FGD4: variants seen among roughly 807,000 people sequenced by gnomAD.
FGD4 encodes FYVE, RhoGEF and PH domain containing 4, also known as FYVE, RhoGEF and PH domain-containing protein 4.
A neutral mutation model predicts 102.0 loss-of-function variants in FGD4; 42 were observed. The observed-to-expected ratio is 0.41, with a 90% CI of 0.32 to 0.53. The LOEUF (loss-of-function observed/expected upper bound fraction) is 0.53. FGD4 is among the 20% of genes least tolerant of loss of function. The pLI, the probability that FGD4 is intolerant of heterozygous loss-of-function variation, is 0.21. For missense variants in FGD4, 902 were observed against 1,078.2 expected, an observed-to-expected ratio of 0.84 and a Z score of 2.29; for synonymous variants, 380 against 375.7, an observed-to-expected ratio of 1.01 and a Z score of -0.13.
At chr12:32,432,893 A>C (rs1043905736) in intron 1 of FGD4, among the ~76,000 whole-genome samples, 1 of 152,236 alleles carries the variant, frequency 6.6e-6, no homozygotes, top group Non-Finnish European at 1.5e-5. Context: ...ACATATTTTA[A>C]TGCCAGCTCA....
At chr12:32,619,581 A>G in intron 10 of FGD4, 117 bp from the exon 11 acceptor site, 1 of 1,169,820 alleles carries the variant, frequency 8.5e-7, no homozygotes, top group Non-Finnish European at 1.3e-6. Flanking sequence ...ACAATGAGCC[A>G]AGGTCACACT....
chr12:32,585,914 G>C (rs968565810), intron 4 of FGD4, among the ~76,000 whole-genome samples: 1 of 151,844 alleles, frequency 6.6e-6, no homozygotes, highest in Admixed American at 6.6e-5. Flanking sequence ...TTGAGGGCCA[G>C]GCTGCTGAGA....
At chr12:32,598,661 T>C in intron 5 of FGD4, 75 bp downstream of exon 5, 1 of 1,257,662 alleles carries the variant, frequency 8.0e-7, no homozygotes, top group Non-Finnish European at 1.2e-6. Context: ...TAGAGTATTT[T>C]AGAAACTGCA....
chr12:32,476,503 C>T (rs1438120333), intron 1 of FGD4, among the ~76,000 whole-genome samples: 1 of 152,092 alleles, frequency 6.6e-6, no homozygotes, highest in African/African-American at 2.4e-5. Context: ...CAACTGGGAC[C>T]TTAATTCTCC....
chr12:32,526,419 C>G (rs1941211842), intron 1 of FGD4, among the ~76,000 whole-genome samples: 1 of 152,316 alleles, frequency 6.6e-6, no homozygotes, highest in South Asian at 2.1e-4. Flanking sequence ...TCTAGCTGCT[C>G]TAGTGGGGCC....
intron 1 of FGD4, among the ~76,000 whole-genome samples, chr12:32,520,426 T>G (rs1271825429): frequency 1.1e-5 from 1 of 94,848 alleles, no homozygotes; most frequent in East Asian, 2.2e-4. Context: ...CTATTGTGGG[T>G]TTTTTTGTTT....
intron 1 of FGD4, among the ~76,000 whole-genome samples, chr12:32,563,820 G>A (rs75757329): frequency 6.6e-6 from 1 of 152,160 alleles, no homozygotes; most frequent in South Asian, 2.1e-4. Context: ...CCAACCCAGC[G>A]AAACCCCGTC....
At chr12:32,470,463 C>CTTTTT (rs551854980) in intron 1 of FGD4, among the ~76,000 whole-genome samples, 24 of 130,800 alleles carry the variant, frequency 1.8e-4, no homozygotes, top group Non-Finnish European at 2.8e-4. Flanking sequence ...TTTTCTTTTT[C>CTTTTT]TTTTTTTTTT....
At chr12:32,594,594 T>A (rs1947726554) in intron 4 of FGD4, among the ~76,000 whole-genome samples, 1 of 152,160 alleles carries the variant, frequency 6.6e-6, no homozygotes, top group Non-Finnish European at 1.5e-5. Flanking sequence ...AAAACTGTCT[T>A]CCACAGAACC....
chr12:32,630,428 C>G (rs1950430948), intron 14 of FGD4, among the ~76,000 whole-genome samples: 1 of 152,162 alleles, frequency 6.6e-6, no homozygotes, highest in African/African-American at 2.4e-5. Context: ...ATAATCCCAG[C>G]ACTTTCGGAG....
Position 32,598,488 on chromosome 12 carries a change from A to G in FGD4, c.1012-9A>G. On this transcript the variant is annotated splice_polypyrimidine_tract_variant and intron_variant, in intron 4 of 16. Transcript: ENST00000534526. Reference sequence around the variant, plus strand: ...TTTCCTAATGTGTGAATATCTTTCCAATTTTTAGGAGACTAATGAGCAAAA... The same window carrying G: ...TTTCCTAATGTGTGAATATCTTTCCGATTTTTAGGAGACTAATGAGCAAAA... 1 of 1,601,178 alleles carries G rather than the reference A, an allele frequency of 6.2e-7. No individual in the cohort carries two copies. Among genetic ancestry groups the G allele is most frequent in the South Asian group, 1.1e-5 (1 of 89,590 alleles).
At chr12:32,598,008 G>A (rs769656382) in intron 4 of FGD4, among the ~76,000 whole-genome samples, 2 of 152,110 alleles carry the variant, frequency 1.3e-5, no homozygotes, top group Non-Finnish European at 2.9e-5. Flanking sequence ...CTACAGATGT[G>A]CGTCACCACG....
chr12:32,616,316 C>T (rs1949447332), intron 10 of FGD4, among the ~76,000 whole-genome samples: 1 of 152,168 alleles, frequency 6.6e-6, no homozygotes, highest in Non-Finnish European at 1.5e-5. Flanking sequence ...TGGCAAAGAA[C>T]CTTGGGGAAA....
chr12:32,413,322 T>G (rs1043643082), intron 1 of FGD4, among the ~76,000 whole-genome samples: 1 of 152,108 alleles, frequency 6.6e-6, no homozygotes, highest in Non-Finnish European at 1.5e-5. Context: ...AAAAAACTTT[T>G]AACAAAATGA....
chr12:32,576,467 A>T lies in FGD4; in HGVS notation c.503+18A>T, dbSNP rs755897211. On this transcript the variant is annotated intron_variant, in intron 3 of 16. Coordinates refer to ENST00000534526, the MANE Select transcript of FGD4 (RefSeq NM_001370298.3). Reference sequence around the variant, plus strand: ...GGAGGCAGGTAAGAGCTAATTTACAATGGGAGAAGGCAGGAGAAGAAGAAA... The same window carrying T: ...GGAGGCAGGTAAGAGCTAATTTACATTGGGAGAAGGCAGGAGAAGAAGAAA... The T allele has an allele frequency of 3.7e-6, 6 of 1,613,906 alleles. No homozygotes were observed. The highest frequency in any genetic ancestry group is 5.1e-6 in the Non-Finnish European group (6 of 1,179,792).
At chr12:32,598,178 A>G (rs2136602898) in intron 4 of FGD4, among the ~76,000 whole-genome samples, 1 of 152,358 alleles carries the variant, frequency 6.6e-6, no homozygotes, top group East Asian at 1.9e-4. Flanking sequence ...AACATTTCCA[A>G]AGAGTAGCCT....
chr12:32,563,284 C>A (rs867791084), intron 1 of FGD4, among the ~76,000 whole-genome samples: 1 of 141,764 alleles, frequency 7.1e-6, no homozygotes. Context: ...ACTTCTCAGA[C>A]GGGGCGGCCG....
chr12:32,607,835 G>A, intron 7 of FGD4, 122 bp from the exon 8 acceptor site: 1 of 1,020,306 alleles, frequency 9.8e-7, no homozygotes. Context: ...TTTCATGCAG[G>A]TGATGGACAG....
At chr12:32,496,420 T>C (rs1937822051) in intron 1 of FGD4, among the ~76,000 whole-genome samples, 1 of 152,226 alleles carries the variant, frequency 6.6e-6, no homozygotes, top group Non-Finnish European at 1.5e-5. Context: ...ATCTATTTTA[T>C]CTTGTTAGCT....
Sources: allele counts gnomAD v4.1 joint callset (sites outside exome capture counted in the v4.1 genomes callset), GRCh38; gene constraint gnomAD v4.1.1; transcripts MANE v1.5; gene names NCBI Gene and HGNC (gene_info 2026-07-23, HGNC 2026-07-21).